The following RIMS1 variants were observed in gnomAD, a reference collection of about 807,000 sequenced individuals.
The protein encoded by RIMS1 is regulating synaptic membrane exocytosis 1, also known as regulating synaptic membrane exocytosis protein 1.
RIMS1 carries 83 observed loss-of-function variants against 214.1 expected under a neutral mutation model. The ratio of observed to expected loss-of-function variants is 0.39; its 90% CI spans 0.32 to 0.47. The LOEUF is 0.47. Ranked by LOEUF, RIMS1 falls within the 20% of genes least tolerant of loss-of-function variation. The probability of loss-of-function intolerance (pLI) is 0.99; values close to 1 mark genes in which losing one functional copy is unlikely to be tolerated. For missense variants in RIMS1, 2,050 were observed against 2,161.8 expected, an observed-to-expected ratio of 0.95 and a Z score of 1.03; for synonymous variants, 793 against 786.8, an observed-to-expected ratio of 1.01 and a Z score of -0.13.
chr6:72,010,646 A>T (rs1470114106), intron 2 of RIMS1, among the ~76,000 whole-genome samples: 1 of 152,236 alleles, frequency 6.6e-6, no homozygotes, highest in African/African-American at 2.4e-5. Flanking sequence ...AGGATACAAA[A>T]TCAATGTGCA....
chr6:72,103,566 G>A (rs2034104303), intron 4 of RIMS1, among the ~76,000 whole-genome samples: 1 of 152,078 alleles, frequency 6.6e-6, no homozygotes, highest in Admixed American at 6.6e-5. Flanking sequence ...GCCTTTTCTA[G>A]TATAAGGAAA....
intron 2 of RIMS1, among the ~76,000 whole-genome samples, chr6:71,992,162 T>C (rs1468558035): frequency 2.0e-5 from 3 of 152,136 alleles, no homozygotes; most frequent in Admixed American, 6.5e-5. Flanking sequence ...TCAGCTCCCT[T>C]GCATGACCTG....
chr6:72,141,027 T>C (rs981152340), intron 4 of RIMS1, among the ~76,000 whole-genome samples: 3 of 151,920 alleles, frequency 2.0e-5, no homozygotes, highest in African/African-American at 7.2e-5. Context: ...AGTTGATGAG[T>C]AGTAGGTTAT....
intron 4 of RIMS1, among the ~76,000 whole-genome samples, chr6:72,109,102 G>A (rs1289229619): frequency 2.6e-5 from 4 of 151,960 alleles, no homozygotes; most frequent in Non-Finnish European, 5.9e-5. Flanking sequence ...GTCTATCATT[G>A]TTGGACATTT....
At chr6:72,307,546 G>A (rs779016143) in intron 27 of RIMS1, among the ~76,000 whole-genome samples, 176 bp downstream of exon 27, 2 of 152,006 alleles carry the variant, frequency 1.3e-5, no homozygotes, top group Non-Finnish European at 2.9e-5. Context: ...ATCACCTAAG[G>A]TCAGAAGTTC....
intron 6 of RIMS1, among the ~76,000 whole-genome samples, chr6:72,203,738 T>A (rs1469191108): frequency 1.3e-5 from 2 of 152,176 alleles, no homozygotes; most frequent in African/African-American, 4.8e-5. Flanking sequence ...TAATGTGTAG[T>A]TGAATAAGTT....
At chr6:72,314,941 G>T (rs1317836792) in intron 28 of RIMS1, among the ~76,000 whole-genome samples, 1 of 152,074 alleles carries the variant, frequency 6.6e-6, no homozygotes, top group African/African-American at 2.4e-5. Flanking sequence ...CTAGTGAATA[G>T]AATTTGTATT....
intron 4 of RIMS1, among the ~76,000 whole-genome samples, chr6:72,177,751 A>C (rs1213632534): frequency 6.6e-6 from 1 of 152,056 alleles, no homozygotes; most frequent in African/African-American, 2.4e-5. Context: ...CCTTCCCACC[A>C]CACACGTCCT....
At chr6:72,210,670 A>G (rs1361199580) in intron 6 of RIMS1, among the ~76,000 whole-genome samples, 4 of 152,210 alleles carry the variant, frequency 2.6e-5, no homozygotes, top group Admixed American at 6.5e-5. Context: ...ATCTAAAGTG[A>G]TATTAGCTTT....
intron 1 of RIMS1, among the ~76,000 whole-genome samples, chr6:71,960,266 A>G (rs1792532534): frequency 6.6e-6 from 1 of 152,142 alleles, no homozygotes; most frequent in African/African-American, 2.4e-5. Context: ...GACTACACAC[A>G]GCCTGGCTTG....
rs1339386363 is a variant in RIMS1, at chr6:72,153,563, T to A, written c.472-26012T>A. Among the ~76,000 whole-genome samples the A allele has an allele frequency of 2.0e-5, 3 of 151,930 alleles. No homozygotes were observed. In the East Asian group the frequency reaches 5.8e-4, roughly 29 times the overall value. ...ATACTGAAGTAAATAATCTATAGAT[T>A]TTTTACAATAAATTATGCAATGAAA... On this transcript the variant is annotated intron_variant, in intron 4 of 33. Transcript: ENST00000521978.
intron 4 of RIMS1, among the ~76,000 whole-genome samples, chr6:72,153,508 GC>G (rs35603589): frequency 6.6e-6 from 1 of 151,962 alleles, no homozygotes; most frequent in Non-Finnish European, 1.5e-5. Context: ...TGTTTACATG[GC>G]CATGTTCTAA....
chr6:71,919,733 A>C (rs1562195669), intron 1 of RIMS1, among the ~76,000 whole-genome samples: 1 of 152,176 alleles, frequency 6.6e-6, no homozygotes, highest in Non-Finnish European at 1.5e-5. Flanking sequence ...AGCCAGCTAA[A>C]GAGTAAGCCC....
At chr6:72,291,627 G>C (rs558752662) in intron 25 of RIMS1, among the ~76,000 whole-genome samples, 1 of 152,248 alleles carries the variant, frequency 6.6e-6, no homozygotes, top group South Asian at 2.1e-4. Flanking sequence ...GTTCAGTACT[G>C]CCAAAACTGA....
At chr6:72,253,287 T>C (rs2154140996) in intron 16 of RIMS1, among the ~76,000 whole-genome samples, 1 of 152,314 alleles carries the variant, frequency 6.6e-6, no homozygotes, top group South Asian at 2.1e-4. Context: ...TGGCTGTAAC[T>C]TTTAAAGCTT....
chr6:72,069,093 C>G (rs1265530822), intron 2 of RIMS1, among the ~76,000 whole-genome samples: 1 of 152,070 alleles, frequency 6.6e-6, no homozygotes, highest in Non-Finnish European at 1.5e-5. Context: ...TGGAGGCTAA[C>G]AATGGTTGTA....
intron 23 of RIMS1, among the ~76,000 whole-genome samples, chr6:72,275,926 G>A (rs901849162): frequency 2.0e-5 from 3 of 152,174 alleles, no homozygotes; most frequent in African/African-American, 7.2e-5. Flanking sequence ...ATACTTCTGT[G>A]CCAGGCATGG....
At chr6:72,319,359 G>T (rs942458313) in intron 28 of RIMS1, among the ~76,000 whole-genome samples, 1 of 152,162 alleles carries the variant, frequency 6.6e-6, no homozygotes, top group African/African-American at 2.4e-5. Flanking sequence ...AAGAACTAAT[G>T]TGGGAGGTAA....
At chr6:71,981,927 T>G (rs1731854673) in intron 2 of RIMS1, among the ~76,000 whole-genome samples, 2 of 137,444 alleles carry the variant, frequency 1.5e-5, no homozygotes, top group African/African-American at 5.4e-5. Flanking sequence ...CCATTGGAAC[T>G]TGATATAAAT....
Sources: gnomAD v4.1 joint callset for allele counts (sites outside exome capture counted in the v4.1 genomes callset) on GRCh38, gnomAD v4.1.1 for gene constraint, MANE v1.5 for transcripts, NCBI Gene and HGNC (gene_info 2026-07-23, HGNC 2026-07-21) for gene names.